TNN: variants seen among roughly 807,000 people sequenced by gnomAD.
TNN encodes tenascin N.
TNN carries 122 observed loss-of-function variants against 134.4 expected under a neutral mutation model. That is an observed-to-expected ratio of 0.91 (90% CI 0.78 to 1.06). The LOEUF (loss-of-function observed/expected upper bound fraction) is 1.06, where lower values mean the gene tolerates loss of function less well. Among genes scored for constraint, TNN ranks in the 50% least tolerant of loss-of-function variants. The pLI is 0.00. For missense variants in TNN, 1,739 were observed against 1,699.4 expected (o/e 1.02, Z -0.41); for synonymous variants, 710 against 670.3 (o/e 1.06, Z -0.91).
intron 17 of TNN, among the ~76,000 whole-genome samples, chr1:175,143,745 G>T (rs1449767372): frequency 6.6e-6 from 1 of 152,192 alleles, no homozygotes; most frequent in Non-Finnish European, 1.5e-5. Flanking sequence ...GGCCTGCAAG[G>T]CATGGAAGAG....
intron 1 of TNN, among the ~76,000 whole-genome samples, chr1:175,076,647 C>T (rs1361985653): frequency 6.6e-6 from 1 of 152,166 alleles, no homozygotes; most frequent in Non-Finnish European, 1.5e-5. Flanking sequence ...GAGCAGGATG[C>T]TGGCCCTGCA....
At chr1:175,143,324 G>A (rs1675981124) in intron 17 of TNN, among the ~76,000 whole-genome samples, 2 of 152,222 alleles carry the variant, frequency 1.3e-5, no homozygotes, top group African/African-American at 4.8e-5. Context: ...GATGAAGCTT[G>A]TGATTGATAT....
chr1:175,142,159 A>G (rs1404334505), intron 17 of TNN, among the ~76,000 whole-genome samples: 15 of 152,190 alleles, frequency 9.9e-5, no homozygotes, highest in Admixed American at 9.8e-4. Flanking sequence ...CTAGCATGAC[A>G]ATATACCTTT....
At position 175,125,770 on chromosome 1, in the gene TNN, T is replaced by G. The variant is rs183612538; in HGVS notation, c.2915-1185T>G. 1.8e-4 allele frequency among the ~76,000 whole-genome samples: 26 copies of G among 147,804 alleles called. No individual in the cohort carries two copies. In the East Asian group the frequency reaches 4.8e-3, roughly 27 times the overall value. On this transcript the variant is annotated intron_variant, in intron 12 of 18. Coordinates refer to ENST00000239462, the MANE Select transcript of TNN (RefSeq NM_022093.2). ...CTTTCTTTCTTTCTCTCTCTCTCCC[T>G]CCCTTTCTCTCTTCTTTTCTCTCTC...
At chr1:175,076,040 C>T (rs924051179) in intron 1 of TNN, among the ~76,000 whole-genome samples, 1 of 152,106 alleles carries the variant, frequency 6.6e-6, no homozygotes, top group Non-Finnish European at 1.5e-5. Context: ...CTATGCAAGC[C>T]CAACTGGGAT....
rs138898390 is a variant in TNN at position 175,123,656 on chromosome 1, C to T, written c.2907C>T (p.Ala969=). 1 of 1,614,152 alleles carries T rather than the reference C, an allele frequency of 6.2e-7. No individual in the cohort carries two copies. Among genetic ancestry groups the T allele is most frequent in the Non-Finnish European group, 8.5e-7 (1 of 1,180,026 alleles). Residue 969 remains alanine, a synonymous_variant, in exon 12 of 19, where the codon GCC becomes GCT. Coordinates refer to ENST00000239462, the MANE Select transcript of TNN (RefSeq NM_022093.2). Reference sequence around the variant, plus strand: ...AGAGCAAGAAGGCTGACACCAAGGCCCAGACAGGTACTGAGAGGGACCAGG... The same window carrying T: ...AGAGCAAGAAGGCTGACACCAAGGCTCAGACAGGTACTGAGAGGGACCAGG... ...AQESKKADTK[A]QTELDPPRNL...
chr1:175,116,619 G>T (rs1675173025), intron 9 of TNN, among the ~76,000 whole-genome samples: 1 of 152,190 alleles, frequency 6.6e-6, no homozygotes, highest in South Asian at 2.1e-4. Flanking sequence ...AGCCACAACT[G>T]GCAGATGGCA....
rs538850861 is a variant in TNN, at chr1:175,145,120, C to A, written c.3759+570C>A. Among the ~76,000 whole-genome samples, 3 of 152,230 alleles carry A rather than the reference C, an allele frequency of 2.0e-5. No homozygotes were observed. The East Asian group carries it at 5.8e-4, about 29-fold the overall frequency. ...CATGGTCTCATGTAAACCTAATTAC[C>A]TTCCAGAGGCCCCCTCTACATACCA... On this transcript the variant is annotated intron_variant, in intron 18 of 18. Coordinates refer to ENST00000239462, the MANE Select transcript of TNN (RefSeq NM_022093.2).
At chr1:175,123,800 G>A (rs539088844) in intron 12 of TNN, 137 bp downstream of exon 12, 76 of 1,277,764 alleles carry the variant, frequency 5.9e-5, no homozygotes, top group Non-Finnish European at 7.6e-5. Context: ...CCTTTTTTAC[G>A]TCTTTGAGCT....
Position 175,144,466 on chromosome 1 carries a change from C to T in TNN, c.3675C>T (p.Ala1225=). The stretch of plus-strand genomic sequence containing the variant: ...ATGATATCGCACTCAGCAACTGTGC[C>T]CTGACACATCATGGTGGCTGGTGGT... ...RDNDIALSNC[A]LTHHGGWWYK... is the part of the protein sequence containing the mutation. Residue 1225 remains alanine (A), a synonymous_variant, in exon 18 of 19, where the codon GCC becomes GCT. Transcript: ENST00000239462. 6.2e-7 allele frequency: 1 copy of T among 1,614,200 alleles called. No individual in the cohort carries two copies. The highest frequency in any genetic ancestry group is 8.5e-7 in the Non-Finnish European group (1 of 1,180,032).
intron 6 of TNN, among the ~76,000 whole-genome samples, chr1:175,090,693 T>C (rs1027627447): frequency 6.6e-6 from 1 of 152,254 alleles, no homozygotes; most frequent in African/African-American, 2.4e-5. Context: ...TAAGCTTTCC[T>C]GATGTGAACA....
At chr1:175,087,488 A>AGAGTGAATT (rs1351386618) in intron 6 of TNN, among the ~76,000 whole-genome samples, 1 of 152,236 alleles carries the variant, frequency 6.6e-6, no homozygotes, top group African/African-American at 2.4e-5. Flanking sequence ...TCCTTTTGGC[A>AGAGTGAATT]GAGTGAATTG....
chr1:175,095,079 G>A (rs1364343065), intron 7 of TNN, among the ~76,000 whole-genome samples: 4 of 152,088 alleles, frequency 2.6e-5, no homozygotes, highest in East Asian at 1.9e-4. Context: ...CTTTACTTCC[G>A]TTCCTGTTTC....
intron 5 of TNN, 113 bp from the exon 6 acceptor site, chr1:175,085,292 G>T: frequency 7.2e-6 from 5 of 691,194 alleles, no homozygotes; most frequent in South Asian, 6.7e-5. Flanking sequence ...ATCTTTGGAG[G>T]AGGAAGCATC....
At chr1:175,112,256 T>A (rs1024197242) in intron 9 of TNN, among the ~76,000 whole-genome samples, 2 of 152,206 alleles carry the variant, frequency 1.3e-5, no homozygotes, top group South Asian at 2.1e-4. Context: ...TATTTTTTTT[T>A]ATTCTTCATT....
At chr1:175,134,757 C>T (rs1225192668) in intron 15 of TNN, among the ~76,000 whole-genome samples, 3 of 152,100 alleles carry the variant, frequency 2.0e-5, no homozygotes, top group Non-Finnish European at 4.4e-5. Flanking sequence ...GCACTTCCAT[C>T]TATTCTCAGG....
Position 175,118,605 on chromosome 1 carries a change from A to T in TNN, c.2431A>T (p.Asn811Tyr), listed in dbSNP as rs908358834. ...CCTGGTCACTGACTGGGTGACAGAG[A>T]ATACAGCCACTGTCTCCTGGGACCC... ...QNLVTDWVTE[N>Y]TATVSWDPVQ... Residue 811 changes from asparagine (N) to tyrosine (Y), a missense_variant, in exon 11 of 19, where the codon AAT becomes TAT. Coordinates refer to ENST00000239462, the MANE Select transcript of TNN (RefSeq NM_022093.2). 8.1e-6 allele frequency: 13 copies of T among 1,614,114 alleles called. No homozygotes were observed. Among genetic ancestry groups the T allele is most frequent in the Non-Finnish European group, 1.1e-5 (13 of 1,180,010 alleles).
chr1:175,140,224 T>C (rs1265932757), intron 17 of TNN, among the ~76,000 whole-genome samples: 1 of 152,272 alleles, frequency 6.6e-6, no homozygotes, highest in Non-Finnish European at 1.5e-5. Context: ...GGAGTCCATC[T>C]GATCATTTCT....
At position 175,105,538 on chromosome 1, in the gene TNN, C is replaced by T. The variant is rs528632661; in HGVS notation, c.2119+6943C>T. Reference sequence around the variant, plus strand: ...CTTTGCATAGTTGTGTATTCTCCCTCAATGAAAAGAAAGCTTGGACATAAG... The same window carrying T: ...CTTTGCATAGTTGTGTATTCTCCCTTAATGAAAAGAAAGCTTGGACATAAG... On this transcript the variant is annotated intron_variant, in intron 9 of 18. Coordinates refer to ENST00000239462, the MANE Select transcript of TNN (RefSeq NM_022093.2). Among the ~76,000 whole-genome samples the T allele has an allele frequency of 2.3e-4, 34 of 145,512 alleles. 3 individuals are homozygous for T. The highest frequency in any genetic ancestry group is 8.4e-4 in the African/African-American group (34 of 40,450).
Sources: allele counts gnomAD v4.1 joint callset (sites outside exome capture counted in the v4.1 genomes callset), GRCh38; gene constraint gnomAD v4.1.1; transcripts MANE v1.5; gene names NCBI Gene and HGNC (gene_info 2026-07-23, HGNC 2026-07-21).